FAM222B: variants seen among roughly 807,000 people sequenced by gnomAD.
FAM222B encodes protein FAM222B.
A neutral mutation model predicts 38.0 loss-of-function variants in FAM222B; 12 were observed. That is an observed-to-expected ratio of 0.32 (90% confidence interval 0.20 to 0.51). FAM222B has a LOEUF of 0.51. Ranked by LOEUF, FAM222B falls within the 20% of genes least tolerant of loss-of-function variation. The pLI, the probability that FAM222B is intolerant of heterozygous loss-of-function variation, is 0.97. For synonymous variants in FAM222B, 329 were observed against 317.2 expected (o/e 1.04, Z -0.40); for missense variants, 716 against 754.2 (o/e 0.95, Z 0.59).
chr17:28,854,694 C>T (rs2039213630), intron 1 of FAM222B, among the ~76,000 whole-genome samples: 1 of 152,170 alleles, frequency 6.6e-6, no homozygotes, highest in Admixed American at 6.5e-5. Flanking sequence ...CCATTCCTCC[C>T]TCGATGGGAG....
chr17:28,792,416 G>A (rs1009868329), intron 1 of FAM222B, among the ~76,000 whole-genome samples: 3 of 151,656 alleles, frequency 2.0e-5, no homozygotes, highest in Non-Finnish European at 4.4e-5. Flanking sequence ...AGAGTTTGAG[G>A]CTTCAGTGAG....
At chr17:28,770,329 A>G (rs2035564014) in intron 1 of FAM222B, among the ~76,000 whole-genome samples, 1 of 152,234 alleles carries the variant, frequency 6.6e-6, no homozygotes, top group African/African-American at 2.4e-5. Flanking sequence ...ATGTCAATCT[A>G]TTAATGATGG....
chr17:28,761,360 G>A (rs2035063733), intron 2 of FAM222B, among the ~76,000 whole-genome samples: 1 of 152,234 alleles, frequency 6.6e-6, no homozygotes, highest in Non-Finnish European at 1.5e-5. Flanking sequence ...CTTGCTGAAT[G>A]AGTACACAGA....
intron 1 of FAM222B, among the ~76,000 whole-genome samples, chr17:28,832,566 G>C (rs1259795002): frequency 6.6e-6 from 1 of 152,112 alleles, no homozygotes; most frequent in East Asian, 1.9e-4. Context: ...AGCCTTCCTT[G>C]ATTCTCCCCA....
intron 1 of FAM222B, among the ~76,000 whole-genome samples, chr17:28,780,793 A>C (rs1036376610): frequency 6.6e-6 from 1 of 152,010 alleles, no homozygotes; most frequent in Non-Finnish European, 1.5e-5. Flanking sequence ...GCAGCAGGAG[A>C]ATCGCCTGAA....
In FAM222B at chr17:28,758,899, TGGGGA is replaced by T; in HGVS notation, c.1055_1059del (p.Val352AspfsTer5). ...GGCTTGAGGTCGCTAGGGTAGCCAG[TGGGGA>T]CGCGAGAGATGCCTGTGGGCAGGTT... On this transcript the variant is annotated frameshift_variant, in exon 3 of 3. Coordinates refer to ENST00000581407, the MANE Select transcript of FAM222B (RefSeq NM_001077498.3). LOFTEE classifies it high-confidence loss of function. The T allele has an allele frequency of 1.2e-6, 2 of 1,609,174 alleles. No individual in the cohort carries two copies. The highest frequency in any genetic ancestry group is 1.7e-6 in the Non-Finnish European group (2 of 1,178,232).
chr17:28,811,060 A>C (rs1266209621), intron 1 of FAM222B, among the ~76,000 whole-genome samples: 2 of 93,740 alleles, frequency 2.1e-5, no homozygotes, highest in Admixed American at 1.1e-4. Context: ...AAGTGTTGCC[A>C]AAAAAAAAAA....
chr17:28,764,294 A>T (rs903159566), intron 2 of FAM222B, among the ~76,000 whole-genome samples: 1 of 142,084 alleles, frequency 7.0e-6, no homozygotes, highest in Admixed American at 6.8e-5. Flanking sequence ...AAAAAAAAAA[A>T]GGGCCGGGCA....
intron 1 of FAM222B, chr17:28,812,375 G>C (rs1448819698): frequency 2.0e-5 from 3 of 152,260 alleles, no homozygotes; most frequent in Non-Finnish European, 4.4e-5. Flanking sequence ...GCTGCTCCGG[G>C]TGCCAGGCTC....
chr17:28,845,956 C>G (rs1368636451), upstream of FAM222B, among the ~76,000 whole-genome samples: 2 of 150,832 alleles, frequency 1.3e-5, no homozygotes, highest in Non-Finnish European at 2.9e-5. Context: ...GTAATCTCAG[C>G]ACTTTGGGAG....
chr17:28,840,405 A>G (rs1292761067), intron 1 of FAM222B, among the ~76,000 whole-genome samples: 1 of 152,096 alleles, frequency 6.6e-6, no homozygotes, highest in Non-Finnish European at 1.5e-5. Flanking sequence ...TTCTCTTTCC[A>G]TAAACACATA....
chr17:28,823,629 C>A (rs1337582312), intron 1 of FAM222B, among the ~76,000 whole-genome samples: 2 of 152,280 alleles, frequency 1.3e-5, no homozygotes, highest in East Asian at 3.9e-4. Flanking sequence ...TCTTTACTTG[C>A]CTTCTAAAAC....
At chr17:28,828,438 G>A (rs1567894377) in intron 1 of FAM222B, among the ~76,000 whole-genome samples, 2 of 151,552 alleles carry the variant, frequency 1.3e-5, no homozygotes, top group African/African-American at 2.4e-5. Context: ...GCATGGTGGC[G>A]CACCATCTGT....
intron 1 of FAM222B, chr17:28,849,273 A>T (rs1379544067): frequency 1.3e-5 from 2 of 151,306 alleles, no homozygotes; most frequent in African/African-American, 2.4e-5. Flanking sequence ...AAAAAAAAAA[A>T]AAGTGGGGGA....
chr17:28,761,354 C>T (rs1386573587), intron 2 of FAM222B, among the ~76,000 whole-genome samples: 1 of 152,204 alleles, frequency 6.6e-6, no homozygotes, highest in Non-Finnish European at 1.5e-5. Context: ...TAAATGCTTG[C>T]TGAATGAGTA....
At chr17:28,762,663 G>A (rs1166932227) in intron 2 of FAM222B, among the ~76,000 whole-genome samples, 1 of 142,974 alleles carries the variant, frequency 7.0e-6, no homozygotes, top group Non-Finnish European at 1.5e-5. Flanking sequence ...TCTCAGCTGG[G>A]CATGGTGGCT....
At chr17:28,825,102 T>C (rs1307939824) in intron 1 of FAM222B, among the ~76,000 whole-genome samples, 1 of 151,672 alleles carries the variant, frequency 6.6e-6, no homozygotes, top group African/African-American at 2.4e-5. Context: ...ACATTCTTTC[T>C]AGTCACAAAT....
At chr17:28,775,064 G>A (rs1375209983) in intron 1 of FAM222B, among the ~76,000 whole-genome samples, 2 of 141,842 alleles carry the variant, frequency 1.4e-5, no homozygotes, top group East Asian at 4.2e-4. Context: ...GCAGTGGCGC[G>A]ATCTCAGGTC....
rs375781000 is a variant in FAM222B at position 28,758,727 on chromosome 17, G to A, written c.1232C>T (p.Pro411Leu). 1.1e-5 allele frequency: 18 copies of A among 1,582,640 alleles called. No individual in the cohort carries two copies. Among genetic ancestry groups the A allele is most frequent in the East Asian group, 4.6e-5 (2 of 43,382 alleles). The change falls in exon 3 of 3, where the codon CCG becomes CTG. Residue 411 changes from proline to leucine, a missense_variant. Coordinates refer to ENST00000581407, the MANE Select transcript of FAM222B (RefSeq NM_001077498.3). ...GGACTGCGCCAGGCAGAGTTCCTGC[G>A]GGTAGGCAGGGGCCTTGCCCACAAA... ...PGFVGKAPAY[P>L]QELCLAQSFH...
Sources: allele counts gnomAD v4.1 joint callset (sites outside exome capture counted in the v4.1 genomes callset), GRCh38; gene constraint gnomAD v4.1.1; transcripts MANE v1.5; gene names NCBI Gene and HGNC (gene_info 2026-07-23, HGNC 2026-07-21).